Variants in CRTC1 observed in about 807,000 individuals in gnomAD.
CRTC1 encodes the protein CREB regulated transcription coactivator 1.
Under a neutral mutation model 66.1 loss-of-function variants are expected in CRTC1, and 18 were observed. The observed-to-expected ratio is 0.27, with a 90% CI of 0.19 to 0.40. The LOEUF (loss-of-function observed/expected upper bound fraction) is 0.40, where lower values mean the gene tolerates loss of function less well. CRTC1 is among the 10% of genes least tolerant of loss of function. CRTC1 has a pLI of 1.00. For synonymous variants in CRTC1, 416 were observed against 398.8 expected, an observed-to-expected ratio of 1.04 and a Z score of -0.51; for missense variants, 669 against 887.9, an observed-to-expected ratio of 0.75 and a Z score of 3.13.
chr19:18,725,004 C>T (rs967950738), intron 1 of CRTC1, among the ~76,000 whole-genome samples: 4 of 151,996 alleles, frequency 2.6e-5, no homozygotes, highest in Non-Finnish European at 4.4e-5. Context: ...ACACTGGCCC[C>T]ACCCAGGAGC....
chr19:18,686,140 G>A (rs1157955611), intron 1 of CRTC1, among the ~76,000 whole-genome samples: 1 of 151,248 alleles, frequency 6.6e-6, no homozygotes, highest in African/African-American at 2.4e-5. Flanking sequence ...GCTGTCTTCT[G>A]TCTCTGTGGG....
At position 18,780,560 on chromosome 19, in the gene CRTC1, GC is replaced by G. The variant is rs1242185625; in HGVS notation, c.*3184del. 1 of 230,788 alleles carries G rather than the reference GC, an allele frequency of 4.3e-6. No individual in the cohort carries two copies. The allele number at this position is 230,788 out of a possible 1,614,324, so 14.3% of individuals were successfully genotyped here. On this transcript the variant is annotated 3_prime_UTR_variant, in exon 14 of 14. Coordinates refer to ENST00000321949, the MANE Select transcript of CRTC1 (RefSeq NM_015321.3). Reference sequence around the variant, plus strand: ...CCCGGGAGGACCCCTAGCCAGGAGGGCCCCCCATGTCCATCCATCCCTCCTG... The same window carrying G: ...CCCGGGAGGACCCCTAGCCAGGAGGGCCCCCATGTCCATCCATCCCTCCTG...
intron 5 of CRTC1, 74 bp from the exon 6 acceptor site, chr19:18,753,426 T>G (rs2145777743): frequency 9.2e-7 from 1 of 1,083,998 alleles, no homozygotes; most frequent in South Asian, 1.3e-5. Context: ...CAGGGACGTG[T>G]CCTCCTGGTA....
chr19:18,772,893 G>T (rs1418020918), intron 11 of CRTC1, among the ~76,000 whole-genome samples: 1 of 152,220 alleles, frequency 6.6e-6, no homozygotes, highest in Admixed American at 6.5e-5. Flanking sequence ...TGGAGAAGCG[G>T]CAGGTGAGGC....
chr19:18,694,206 C>T (rs1322028475), intron 1 of CRTC1, among the ~76,000 whole-genome samples: 2 of 144,676 alleles, frequency 1.4e-5, no homozygotes, highest in East Asian at 2.1e-4. Flanking sequence ...GAGGCTGAGG[C>T]GAGAGGTTCC....
intron 1 of CRTC1, among the ~76,000 whole-genome samples, chr19:18,731,135 C>T (rs1289527570): frequency 1.3e-5 from 2 of 152,220 alleles, no homozygotes; most frequent in African/African-American, 4.8e-5. Flanking sequence ...TGCCAATGTG[C>T]TCAGCCTGGG....
In CRTC1 at chr19:18,777,499, G is replaced by A. The variant is rs746079611; in HGVS notation, c.*117G>A. 4.4e-5 allele frequency: 44 copies of A among 991,700 alleles called. No homozygotes were observed. The highest frequency in any genetic ancestry group is 5.9e-5 in the Non-Finnish European group (38 of 644,662). 61.4% of individuals were successfully genotyped at this position (991,700 alleles called of 1,614,324 possible). A position where few individuals can be genotyped will look rare whatever the true frequency, so the allele number is the denominator to read the frequency against. On this transcript the variant is annotated 3_prime_UTR_variant, in exon 14 of 14. Coordinates refer to ENST00000321949, the MANE Select transcript of CRTC1 (RefSeq NM_015321.3). The surrounding 1 kb of genome is among the most constrained non-coding windows in gnomAD (Gnocchi z 5.5). The stretch of plus-strand genomic sequence containing the variant: ...CTTGTGATTCTGAGCTTGCAATGCC[G>A]CCAAGCGCCCCCCGCCAGCCCGCCC...
chr19:18,766,784 G>A (rs2054747133), intron 9 of CRTC1, among the ~76,000 whole-genome samples: 1 of 152,166 alleles, frequency 6.6e-6, no homozygotes, highest in South Asian at 2.1e-4. Context: ...TGGTAGCAAA[G>A]TTCCCATTTT....
chr19:18,696,528 G>A (rs2052991725), intron 1 of CRTC1, among the ~76,000 whole-genome samples: 1 of 152,178 alleles, frequency 6.6e-6, no homozygotes, highest in Admixed American at 6.5e-5. Context: ...TTGAGGCACA[G>A]GAGGTCACAT....
chr19:18,741,182 G>T lies in CRTC1; in HGVS notation c.127-1728G>T, dbSNP rs145248656. Among the ~76,000 whole-genome samples the T allele has an allele frequency of 4.9e-4, 74 of 152,330 alleles. No individual in the cohort carries two copies. Among genetic ancestry groups the T allele is most frequent in the African/African-American group, 1.5e-3 (62 of 41,588 alleles). ...GGGGCTTGGGAACCATGAGAGTTCTGTGTGTCCCCAGTCCTGTAGATTGTC... is the reference window on the plus strand; with the variant it reads ...GGGGCTTGGGAACCATGAGAGTTCTTTGTGTCCCCAGTCCTGTAGATTGTC... On this transcript the variant is annotated intron_variant, in intron 1 of 13. Transcript: ENST00000321949. The surrounding 1 kb of genome is among the most constrained non-coding windows in gnomAD (Gnocchi z 4.2).
chr19:18,762,280 C>G (rs375916144), intron 8 of CRTC1, among the ~76,000 whole-genome samples: 1 of 152,250 alleles, frequency 6.6e-6, no homozygotes, highest in South Asian at 2.1e-4. Context: ...ACACAACATA[C>G]GTGGAAGCTG....
At chr19:18,720,898 C>T (rs1041221499) in intron 1 of CRTC1, among the ~76,000 whole-genome samples, 7 of 152,206 alleles carry the variant, frequency 4.6e-5, no homozygotes, top group Non-Finnish European at 7.3e-5. Flanking sequence ...TGCACACATG[C>T]GTGGGGCCTT....
chr19:18,770,792 A>G (rs912058949), intron 10 of CRTC1, among the ~76,000 whole-genome samples: 2 of 145,526 alleles, frequency 1.4e-5, no homozygotes, highest in African/African-American at 5.2e-5. Flanking sequence ...GTGTGAATAT[A>G]TGTGTGTGTG....
chr19:18,739,300 C>A (rs62137140), intron 1 of CRTC1, among the ~76,000 whole-genome samples: 4,480 of 152,338 alleles, frequency 0.029, 119 homozygotes, highest in Middle Eastern at 0.11. Flanking sequence ...CCCAGGAGCT[C>A]CCTCCAGAGC....
At chr19:18,694,210 A>C (rs2052927313) in intron 1 of CRTC1, among the ~76,000 whole-genome samples, 1 of 146,184 alleles carries the variant, frequency 6.8e-6, no homozygotes, top group Non-Finnish European at 1.5e-5. Flanking sequence ...CTGAGGCGAG[A>C]GGTTCCCTTG....
Position 18,777,374 on chromosome 19 carries a change from C to A in CRTC1, c.1897C>A (p.Arg633Ser). 6.2e-7 allele frequency: 1 copy of A among 1,602,576 alleles called. No individual in the cohort carries two copies. The change falls in exon 14 of 14, where the codon CGC (arginine) becomes AGC (serine). Residue 633 changes from arginine (R) to serine (S), a missense_variant. Around this residue, in one of 8 missense-constraint regions of CRTC1, gnomAD observed 91 missense variants for 99.1 expected, o/e 0.92. Transcript: ENST00000321949. The surrounding 1 kb of genome is among the most constrained non-coding windows in gnomAD (Gnocchi z 5.5). The stretch of plus-strand genomic sequence containing the variant: ...CACCGAGGACACCTTCCGGATGGAC[C>A]GCCTGTGAGCGGGCACGCCGGCACC... Reference protein sequence around the residue: ...PATEDTFRMDRL With the variant: ...PATEDTFRMDSL
chr19:18,723,750 G>C (rs1176506609), intron 1 of CRTC1, among the ~76,000 whole-genome samples: 1 of 152,218 alleles, frequency 6.6e-6, no homozygotes, highest in Non-Finnish European at 1.5e-5. Context: ...GATGTGGTCA[G>C]ATGGCCTGTG....
At chr19:18,746,063 C>T (rs2054229230) in intron 3 of CRTC1, 103 bp downstream of exon 3, 1 of 1,441,406 alleles carries the variant, frequency 6.9e-7, no homozygotes, top group Non-Finnish European at 9.3e-7. Flanking sequence ...CTGCTTCCAG[C>T]TCTGGGGACA....
chr19:18,722,337 A>AT (rs2053648799), intron 1 of CRTC1, among the ~76,000 whole-genome samples: 1 of 152,178 alleles, frequency 6.6e-6, no homozygotes, highest in South Asian at 2.1e-4. Flanking sequence ...ATTGGAGAGT[A>AT]TCCCCCAGAC....
Sources: gnomAD v4.1 joint callset for allele counts (sites outside exome capture counted in the v4.1 genomes callset) on GRCh38, gnomAD v4.1.1 for gene constraint, gnomAD v4.1.1 regional missense constraint, Gnocchi (gnomAD v3.1) non-coding constraint, MANE v1.5 for transcripts, NCBI Gene and HGNC (gene_info 2026-07-23, HGNC 2026-07-21) for gene names.